The following FGF14 variants were observed in gnomAD, a reference collection of about 807,000 sequenced individuals.
FGF14 encodes fibroblast growth factor homologous factor 4.
In FGF14, 5 loss-of-function variants were observed where a neutral mutation model predicts 25.5. The ratio of observed to expected loss-of-function variants is 0.20; its 90% CI spans 0.10 to 0.41. FGF14 has a LOEUF of 0.41. Among genes scored for constraint, FGF14 ranks in the 10% least tolerant of loss-of-function variants. The probability of loss-of-function intolerance (pLI) is 1.00; values close to 1 mark genes in which losing one functional copy is unlikely to be tolerated. For missense variants in FGF14, 222 were observed against 320.1 expected (o/e 0.69, Z 2.34); for synonymous variants, 138 against 118.3 (o/e 1.17, Z -1.08).
At chr13:101,853,974 T>C (rs569114525) in intron 3 of FGF14, among the ~76,000 whole-genome samples, 2 of 152,256 alleles carry the variant, frequency 1.3e-5, no homozygotes, top group Admixed American at 6.5e-5. Flanking sequence ...GTCTCAAACA[T>C]CTCTGCACAA....
intron 1 of FGF14, among the ~76,000 whole-genome samples, chr13:102,274,266 G>C (rs2053398083): frequency 6.6e-6 from 1 of 152,084 alleles, no homozygotes; most frequent in African/African-American, 2.4e-5. Context: ...TAACATCACT[G>C]AATCCCACAG....
intron 1 of FGF14, among the ~76,000 whole-genome samples, chr13:101,880,657 G>A (rs2045654714): frequency 6.6e-6 from 1 of 152,150 alleles, no homozygotes; most frequent in African/African-American, 2.4e-5. Context: ...GGAGAGGAAA[G>A]AAACTATAAT....
At chr13:102,278,896 CA>C in intron 1 of FGF14, among the ~76,000 whole-genome samples, 1 of 151,968 alleles carries the variant, frequency 6.6e-6, no homozygotes, top group Non-Finnish European at 1.5e-5. Context: ...TGACCTTGTA[CA>C]AAAGTGCCCA....
At chr13:102,114,627 A>G (rs767595980) in intron 1 of FGF14, among the ~76,000 whole-genome samples, 18 of 152,204 alleles carry the variant, frequency 1.2e-4, no homozygotes, top group Non-Finnish European at 7.3e-5. Flanking sequence ...AGTGTGGTGC[A>G]CATATACAAT....
At chr13:102,004,282 T>C (rs1317729962) in intron 1 of FGF14, among the ~76,000 whole-genome samples, 2 of 152,090 alleles carry the variant, frequency 1.3e-5, no homozygotes, top group African/African-American at 2.4e-5. Context: ...TCGATTACAT[T>C]TGAGGAGAGA....
intron 3 of FGF14, among the ~76,000 whole-genome samples, chr13:101,761,733 A>G (rs2038043429): frequency 6.6e-6 from 1 of 152,200 alleles, no homozygotes; most frequent in South Asian, 2.1e-4. Context: ...TATGTACTCC[A>G]TGAATATATA....
chr13:102,025,896 TTGTGTG>T (rs146100753), intron 1 of FGF14, among the ~76,000 whole-genome samples: 6 of 151,704 alleles, frequency 4.0e-5, no homozygotes, highest in African/African-American at 1.5e-4. Flanking sequence ...ATAGTTGTGT[TTGTGTG>T]TGTGTGTGAA....
rs536363613 is a variant in FGF14 at position 101,941,188 on chromosome 13, A to C, written c.209-65892T>G. Among the ~76,000 whole-genome samples the C allele has an allele frequency of 7.9e-5, 12 of 152,344 alleles. No homozygotes were observed. The South Asian group carries it at 2.5e-3, about 32-fold the overall frequency. On this transcript the variant is annotated intron_variant, in intron 1 of 4. Transcript: ENST00000376131. ...TTCATCACAAAGCAAGGACACAGTG[A>C]GCAGAGATGGAGTCAACACCTTTTC... is the stretch of plus-strand genomic sequence containing the variant.
intron 1 of FGF14, among the ~76,000 whole-genome samples, chr13:102,264,011 C>T (rs1185573579): frequency 1.4e-5 from 2 of 144,274 alleles, no homozygotes; most frequent in African/African-American, 2.6e-5. Context: ...TTTCTCTTTC[C>T]TTTTTTTTTT....
chr13:101,869,546 G>A (rs1376341753), intron 2 of FGF14, among the ~76,000 whole-genome samples: 3 of 152,152 alleles, frequency 2.0e-5, no homozygotes, highest in Admixed American at 6.5e-5. Flanking sequence ...TGGCAGTGCT[G>A]CATGTTGAAT....
At chr13:101,792,889 C>T (rs1320076361) in intron 3 of FGF14, among the ~76,000 whole-genome samples, 2 of 151,292 alleles carry the variant, frequency 1.3e-5, no homozygotes, top group East Asian at 3.9e-4. Flanking sequence ...TGTATACTGA[C>T]AAATTATAGT....
intron 3 of FGF14, 54 bp downstream of exon 3, chr13:101,868,671 T>C (rs913833788): frequency 7.7e-5 from 84 of 1,093,982 alleles, no homozygotes; most frequent in Non-Finnish European, 1.2e-4. Flanking sequence ...GTTGCTGCCA[T>C]TGTTATTTTA....
intron 1 of FGF14, among the ~76,000 whole-genome samples, chr13:101,983,802 C>T (rs1030353967): frequency 6.6e-6 from 1 of 152,114 alleles, no homozygotes; most frequent in Non-Finnish European, 1.5e-5. Flanking sequence ...TAAGATAAGG[C>T]CTTGGGTCTG....
intron 1 of FGF14, among the ~76,000 whole-genome samples, chr13:102,118,854 A>T (rs1245885375): frequency 1.3e-5 from 2 of 152,174 alleles, no homozygotes; most frequent in Non-Finnish European, 2.9e-5. Flanking sequence ...AATTTACTAG[A>T]TATAATTGTT....
chr13:101,816,639 T>C (rs2041863235), intron 3 of FGF14, among the ~76,000 whole-genome samples: 1 of 152,176 alleles, frequency 6.6e-6, no homozygotes, highest in African/African-American at 2.4e-5. Context: ...CTTTTGCATA[T>C]TTTAATAAAA....
At chr13:101,903,238 G>GGT (rs3065974) in intron 1 of FGF14, among the ~76,000 whole-genome samples, 5,685 of 149,478 alleles carry the variant, frequency 0.038, 118 homozygotes, top group Non-Finnish European at 0.047. Flanking sequence ...CTCTAATTGT[G>GGT]GTGTGTGTGT....
chr13:102,397,062 T>C (rs1478345776), intron 1 of FGF14, among the ~76,000 whole-genome samples: 1 of 152,180 alleles, frequency 6.6e-6, no homozygotes, highest in Non-Finnish European at 1.5e-5. Flanking sequence ...GTGTTTAGAC[T>C]TGCAGAGGTT....
At chr13:102,303,346 T>C (rs574251751) in intron 1 of FGF14, among the ~76,000 whole-genome samples, 5 of 152,212 alleles carry the variant, frequency 3.3e-5, no homozygotes, top group Non-Finnish European at 7.3e-5. Context: ...GATCACCATC[T>C]TAAACACTTT....
intron 1 of FGF14, among the ~76,000 whole-genome samples, chr13:102,127,760 G>T (rs916547024): frequency 2.6e-5 from 4 of 152,212 alleles, no homozygotes; most frequent in Non-Finnish European, 5.9e-5. Flanking sequence ...CCAATGACTT[G>T]AATGAAGTGA....
Sources: gnomAD v4.1 joint callset for allele counts (sites outside exome capture counted in the v4.1 genomes callset) on GRCh38, gnomAD v4.1.1 for gene constraint, MANE v1.5 for transcripts, NCBI Gene and HGNC (gene_info 2026-07-23, HGNC 2026-07-21) for gene names.